USP9X: variants seen among roughly 807,000 people sequenced by gnomAD.
USP9X encodes ubiquitin specific peptidase 9 X-linked.
Under a neutral mutation model 190.3 loss-of-function variants are expected in USP9X, and 7 were observed. The ratio of observed to expected loss-of-function variants is 0.04; its 90% CI spans 0.02 to 0.07. The LOEUF (loss-of-function observed/expected upper bound fraction) is 0.07. USP9X is among the 10% of genes least tolerant of loss of function. The probability of loss-of-function intolerance (pLI) is 1.00; values close to 1 mark genes in which losing one functional copy is unlikely to be tolerated. For synonymous variants in USP9X, 645 were observed against 659.5 expected (o/e 0.98, Z 0.34); for missense variants, 1,010 against 1,916.9 (o/e 0.53, Z 8.83).
At chrX:41,186,695 T>G (rs1330223756) in intron 24 of USP9X, 53 bp downstream of exon 24, 1 of 1,156,910 alleles carries the variant, frequency 8.6e-7, no homozygotes, top group East Asian at 3.0e-5. Flanking sequence ...GGCCCACTTA[T>G]TTTAATCACT....
chrX:41,198,576 T>C lies in USP9X; in HGVS notation c.4429T>C (p.Tyr1477His). The C allele has an allele frequency of 8.3e-7, 1 of 1,211,367 alleles. No homozygotes were observed. The stretch of plus-strand genomic sequence containing the variant: ...TCCTGCATCCAATGTTTACCTACAG[T>C]ATATGAGAAATGGAGAGCTTCCAGC... ...IFPASNVYLQ[Y>H]MRNGELPAEQ... The change falls in exon 30 of 45, where the codon TAT becomes CAT. Residue 1477 changes from tyrosine to histidine, a missense_variant. Coordinates refer to ENST00000378308, the MANE Select transcript of USP9X (RefSeq NM_001039591.3).
At chrX:41,115,324 G>A (rs762396788) in intron 1 of USP9X, among the ~76,000 whole-genome samples, 3 of 110,629 alleles carry the variant, frequency 2.7e-5, no homozygotes, top group Non-Finnish European at 5.7e-5. Flanking sequence ...TAGGTCTCTT[G>A]TCTCTAGTGA....
rs1352408640 is a variant in USP9X at position 41,167,493 on chromosome X, G to T, written c.2340G>T (p.Gln780His). Residue 780 changes from glutamine (Q) to histidine (H), a missense_variant, in exon 17 of 45, where the codon CAG (glutamine) becomes CAT (histidine). Gln to His is a conservative substitution (Grantham distance 24). This residue lies in a region of USP9X where 104 missense variants were observed against 239.8 expected (regional missense o/e 0.43). Coordinates refer to ENST00000378308, the MANE Select transcript of USP9X (RefSeq NM_001039591.3). ...CATTTTGAAACCAGGTCGTGATTCAGAGTAATGATGATATTGCCAGCAGAG... is the reference window on the plus strand; with the variant it reads ...CATTTTGAAACCAGGTCGTGATTCATAGTAATGATGATATTGCCAGCAGAG... ...GLDYLWRVVIQSNDDIASRAI... is the reference protein window; with the variant it reads ...GLDYLWRVVIHSNDDIASRAI... The T allele has an allele frequency of 1.7e-6, 2 of 1,202,522 alleles. No homozygotes were observed. Among genetic ancestry groups the T allele is most frequent in the Non-Finnish European group, 1.1e-6 (1 of 890,711 alleles).
chrX:41,099,291 A>AT (rs2062018992), intron 1 of USP9X, among the ~76,000 whole-genome samples: 2 of 108,957 alleles, frequency 1.8e-5, no homozygotes, highest in Admixed American at 2.0e-4. Context: ...GAATGTTGCC[A>AT]TGAACACTTT....
chrX:41,141,005 A>G lies in USP9X; in HGVS notation c.810A>G (p.Thr270=). ...GQCYEFLTLH[T]VKKYFLPIIE... is the part of the protein sequence containing the mutation. Reference sequence around the variant, plus strand: ...GCTATGAGTTTCTCACTCTTCATACAGTGAAAAAGTACTTTCTTCCAATAA... The same window carrying G: ...GCTATGAGTTTCTCACTCTTCATACGGTGAAAAAGTACTTTCTTCCAATAA... Residue 270 remains threonine, a synonymous_variant, in exon 8 of 45, where the codon ACA becomes ACG. Transcript: ENST00000378308. 1 of 1,203,753 alleles carries G rather than the reference A, an allele frequency of 8.3e-7. No homozygotes were observed. Among genetic ancestry groups the G allele is most frequent in the Non-Finnish European group, 1.1e-6 (1 of 892,301 alleles).
chrX:41,092,053 C>T (rs758027995), intron 1 of USP9X, among the ~76,000 whole-genome samples: 1 of 111,887 alleles, frequency 8.9e-6, no homozygotes, highest in Non-Finnish European at 1.9e-5. Context: ...ATTGATTCAT[C>T]TTCATTTTAT....
At position 41,085,956 on chromosome X, in the gene USP9X, C is replaced by T. The variant is rs2061906829; in HGVS notation, c.-312C>T. The T allele has an allele frequency of 1.0e-5, 3 of 297,924 alleles. No homozygotes were observed. The highest frequency in any genetic ancestry group is 1.8e-5 in the Non-Finnish European group (3 of 170,472). 24.6% of individuals were successfully genotyped at this position (297,924 alleles called of 1,213,427 possible). ...GTTGAGACGCCCGCAGCCCCGAGCC[C>T]GGCCGCCGCAGCCTTTCGATACACT... is the stretch of plus-strand genomic sequence containing the variant. On this transcript the variant is annotated 5_prime_UTR_variant, in exon 1 of 45. Transcript: ENST00000378308.
At chrX:41,227,332 A>T (rs1477587233) in intron 41 of USP9X, among the ~76,000 whole-genome samples, 1 of 111,901 alleles carries the variant, frequency 8.9e-6, no homozygotes, top group Non-Finnish European at 1.9e-5. Flanking sequence ...ATGATTTAGC[A>T]CTTCATTGTT....
At chrX:41,226,679 G>A (rs1055306617) in intron 41 of USP9X, among the ~76,000 whole-genome samples, 47 of 112,101 alleles carry the variant, frequency 4.2e-4, no homozygotes, top group African/African-American at 1.2e-3. Context: ...ATCAATTTTC[G>A]TGAGACACAA....
chrX:41,198,824 A>G, intron 30 of USP9X, 74 bp downstream of exon 30: 1 of 949,127 alleles, frequency 1.1e-6, no homozygotes, highest in Admixed American at 3.0e-5. Context: ...TTTCTTTCAG[A>G]AAATATTTCC....
intron 38 of USP9X, among the ~76,000 whole-genome samples, chrX:41,219,792 G>T (rs1180789869): frequency 8.9e-6 from 1 of 111,882 alleles, no homozygotes; most frequent in Admixed American, 9.5e-5. Context: ...GACTAACCTA[G>T]GCACCATAGG....
At chrX:41,109,399 C>T (rs2062092686) in intron 1 of USP9X, among the ~76,000 whole-genome samples, 1 of 111,929 alleles carries the variant, frequency 8.9e-6, no homozygotes, top group African/African-American at 3.2e-5. Flanking sequence ...AGCTTCATTA[C>T]TCTAATTGTG....
At chrX:41,086,929 ATAAGT>A (rs902657346) in intron 1 of USP9X, among the ~76,000 whole-genome samples, 7 of 112,904 alleles carry the variant, frequency 6.2e-5, no homozygotes, top group African/African-American at 1.9e-4. Flanking sequence ...TCATTGTGAA[ATAAGT>A]TAAAGAGTTA....
At position 41,184,460 on chromosome X, in the gene USP9X, T is replaced by C; in HGVS notation, c.3343T>C (p.Phe1115Leu). ...PLADDSSDFQ[F>L]HFLKSGGLPL... ...GGCTGATGATTCCTCTGATTTTCAG[T>C]TTCACTTCTTGAAAAGTGGTGGCCT... Residue 1115 changes from phenylalanine to leucine, a missense_variant, in exon 23 of 45, where the codon TTT becomes CTT. By Grantham distance (22) the Phe-to-Leu change is conservative (BLOSUM62 0). Coordinates refer to ENST00000378308, the MANE Select transcript of USP9X (RefSeq NM_001039591.3). The C allele has an allele frequency of 8.3e-7, 1 of 1,211,513 alleles. No individual in the cohort carries two copies.
chrX:41,200,966 G>A, intron 30 of USP9X, 94 bp from the exon 31 acceptor site: 1 of 912,976 alleles, frequency 1.1e-6, no homozygotes. Context: ...ATTATGGGTG[G>A]TAGAATTATT....
intron 21 of USP9X, among the ~76,000 whole-genome samples, chrX:41,183,272 T>TA (rs10719162): frequency 0.055 from 5,279 of 96,632 alleles, 177 homozygotes; most frequent in African/African-American, 0.11. Context: ...AGCTTTTACT[T>TA]AAAAAAAAAA....
intron 1 of USP9X, among the ~76,000 whole-genome samples, chrX:41,087,379 A>T (rs184532757): frequency 2.7e-5 from 3 of 112,295 alleles, no homozygotes; most frequent in Non-Finnish European, 5.6e-5. Flanking sequence ...CTCCTTAACC[A>T]TGACTAGCTT....
At chrX:41,087,907 T>C (rs73478492) in intron 1 of USP9X, among the ~76,000 whole-genome samples, 126 of 112,416 alleles carry the variant, frequency 1.1e-3, no homozygotes, top group African/African-American at 3.9e-3. Context: ...TTAAGTTACT[T>C]CAGGAAGGAA....
intron 21 of USP9X, among the ~76,000 whole-genome samples, chrX:41,175,963 C>G (rs1265255036): frequency 1.8e-5 from 2 of 109,733 alleles, no homozygotes; most frequent in African/African-American, 6.7e-5. Context: ...GCAATCTCGG[C>G]TTACTGCAAC....
Sources: gnomAD v4.1 joint callset for allele counts (sites outside exome capture counted in the v4.1 genomes callset) on GRCh38, gnomAD v4.1.1 for gene constraint, gnomAD v4.1.1 regional missense constraint, MANE v1.5 for transcripts, NCBI Gene and HGNC (gene_info 2026-07-23, HGNC 2026-07-21) for gene names.